The following SNTG2 variants were observed in gnomAD, a reference collection of about 807,000 sequenced individuals.
SNTG2 encodes the protein syntrophin gamma 2, also known as gamma-2-syntrophin.
In SNTG2, 74 loss-of-function variants were observed where a neutral mutation model predicts 70.9. The ratio of observed to expected loss-of-function variants is 1.04; its 90% CI spans 0.86 to 1.27. The LOEUF (loss-of-function observed/expected upper bound fraction) is 1.27, where lower values mean the gene tolerates loss of function less well. SNTG2 is among the 50% of genes most tolerant of loss of function. The probability of loss-of-function intolerance (pLI) is 0.00; values close to 1 mark genes in which losing one functional copy is unlikely to be tolerated. For synonymous variants in SNTG2, 278 were observed against 273.8 expected (o/e 1.02, Z -0.15); for missense variants, 717 against 690.7 (o/e 1.04, Z -0.43).
At chr2:1,222,130 T>TCTCTGTCTCTGG (rs1675237564) in intron 9 of SNTG2, among the ~76,000 whole-genome samples, 1 of 107,938 alleles carries the variant, frequency 9.3e-6, no homozygotes, top group Non-Finnish European at 2.0e-5. Context: ...TCTCTGTCTC[T>TCTCTGTCTCTGG]CTCTGTCTCT....
chr2:1,327,052 T>C (rs1428399834), intron 16 of SNTG2, among the ~76,000 whole-genome samples: 1 of 152,076 alleles, frequency 6.6e-6, no homozygotes, highest in Non-Finnish European at 1.5e-5. Flanking sequence ...TATTTTCTTA[T>C]ACTCTCTGTA....
At chr2:1,014,514 G>C (rs1436563924) in intron 1 of SNTG2, among the ~76,000 whole-genome samples, 1 of 79,120 alleles carries the variant, frequency 1.3e-5, no homozygotes, top group Non-Finnish European at 2.9e-5. Flanking sequence ...GATTTATATG[G>C]GCAGAAAGAA....
intron 8 of SNTG2, among the ~76,000 whole-genome samples, chr2:1,205,770 A>G (rs182538158): frequency 2.0e-5 from 3 of 152,258 alleles, no homozygotes; most frequent in South Asian, 2.1e-4. Flanking sequence ...TAATTCTTGT[A>G]TACATTCAGT....
At chr2:1,046,137 C>T (rs10207601) in intron 1 of SNTG2, among the ~76,000 whole-genome samples, 2 of 151,884 alleles carry the variant, frequency 1.3e-5, no homozygotes, top group Non-Finnish European at 2.9e-5. Flanking sequence ...CTTCTTAGAA[C>T]GTTTTGATCA....
chr2:1,363,059 T>A (rs1298120395), intron 16 of SNTG2, among the ~76,000 whole-genome samples: 2 of 152,084 alleles, frequency 1.3e-5, no homozygotes, highest in Non-Finnish European at 2.9e-5. Flanking sequence ...TGCTGAGCAT[T>A]TCCATAGAAC....
chr2:1,325,680 A>G (rs1681729066), intron 16 of SNTG2, among the ~76,000 whole-genome samples: 1 of 152,220 alleles, frequency 6.6e-6, no homozygotes, highest in South Asian at 2.1e-4. Context: ...ATGCTTTTTT[A>G]GAAAAGTTAC....
intron 6 of SNTG2, chr2:1,158,312 T>G (rs1316668353): frequency 6.6e-6 from 1 of 152,222 alleles, no homozygotes; most frequent in East Asian, 1.9e-4. Context: ...AAATTATTAT[T>G]TTTTAAAATT....
chr2:1,174,289 CATATATAT>C (rs10563978), intron 8 of SNTG2, among the ~76,000 whole-genome samples: 47,583 of 149,358 alleles, frequency 0.32, 8,033 homozygotes, highest in East Asian at 0.66. Flanking sequence ...AAGTTTTATC[CATATATAT>C]ATATATATAT....
At chr2:994,589 A>G (rs1267371854) in intron 1 of SNTG2, among the ~76,000 whole-genome samples, 1 of 152,084 alleles carries the variant, frequency 6.6e-6, no homozygotes, top group Non-Finnish European at 1.5e-5. Context: ...GGATTTTGAT[A>G]GACATTGTAT....
At chr2:1,129,249 A>G (rs1667880655) in intron 4 of SNTG2, among the ~76,000 whole-genome samples, 3 of 152,238 alleles carry the variant, frequency 2.0e-5, no homozygotes, top group South Asian at 4.1e-4. Context: ...TCTGCAGAAC[A>G]TCCTTCTTTG....
At chr2:1,321,265 T>C (rs967888515) in intron 16 of SNTG2, among the ~76,000 whole-genome samples, 1 of 152,194 alleles carries the variant, frequency 6.6e-6, no homozygotes, top group Non-Finnish European at 1.5e-5. Context: ...TATATATCCA[T>C]GAAGCAGAGG....
chr2:1,367,368 C>T lies in SNTG2; in HGVS notation c.1514C>T (p.Ala505Val). ...GAACTCGAGTTCCAGGACCTGAGGGCTGTCCTGCACTGCATCCACTCCTTC... is the reference window on the plus strand; with the variant it reads ...GAACTCGAGTTCCAGGACCTGAGGGTTGTCCTGCACTGCATCCACTCCTTC... ...TKELEFQDLR[A>V]VLHCIHSFIA... Residue 505 changes from alanine to valine, a missense_variant, in exon 17 of 17, where the codon GCT (alanine) becomes GTT (valine). By Grantham distance (64) the Ala-to-Val change is moderately conservative (BLOSUM62 0). Coordinates refer to ENST00000308624, the MANE Select transcript of SNTG2 (RefSeq NM_018968.4). 1 of 1,548,114 alleles carries T rather than the reference C, an allele frequency of 6.5e-7. No individual in the cohort carries two copies.
intron 14 of SNTG2, among the ~76,000 whole-genome samples, chr2:1,306,374 G>C (rs981374637): frequency 1.3e-5 from 2 of 152,178 alleles, no homozygotes; most frequent in African/African-American, 4.8e-5. Flanking sequence ...AGAGGGGAGA[G>C]GCAGGGACTT....
intron 6 of SNTG2, among the ~76,000 whole-genome samples, chr2:1,141,406 GAGAA>G (rs1451489817): frequency 1.3e-5 from 2 of 152,320 alleles, no homozygotes; most frequent in East Asian, 3.9e-4. Context: ...GAAACTGCAG[GAGAA>G]AGAATCACTG....
chr2:1,127,437 G>A (rs1260410260), intron 4 of SNTG2, among the ~76,000 whole-genome samples: 1 of 151,928 alleles, frequency 6.6e-6, no homozygotes, highest in Non-Finnish European at 1.5e-5. Flanking sequence ...GGCTACTTGG[G>A]GCTTCATGTA....
intron 8 of SNTG2, among the ~76,000 whole-genome samples, chr2:1,181,500 C>T (rs1671896144): frequency 6.6e-6 from 1 of 152,166 alleles, no homozygotes; most frequent in Admixed American, 6.5e-5. Flanking sequence ...TCAGAGCAAC[C>T]TTGTAATCAC....
In SNTG2 at chr2:957,439, C is replaced by T. The variant is rs79690319; in HGVS notation, c.72+6371C>T. 7.4e-3 allele frequency among the ~76,000 whole-genome samples: 1,122 copies of T among 152,192 alleles called. 17 individuals carry two copies. Among genetic ancestry groups the T allele is most frequent in the African/African-American group, 0.026 (1,064 of 41,530 alleles). On this transcript the variant is annotated intron_variant, in intron 1 of 16. Transcript: ENST00000308624. ...AGTGCCATTTGGAGAATTGCTTTAT[C>T]ATGATGCACCTTACGTACGTGCAGA... is the stretch of plus-strand genomic sequence containing the variant.
chr2:961,080 A>T (rs1430056483), intron 1 of SNTG2, among the ~76,000 whole-genome samples: 1 of 152,230 alleles, frequency 6.6e-6, no homozygotes, highest in African/African-American at 2.4e-5. Context: ...ATAAATCTTT[A>T]TCTTACTGAT....
chr2:1,016,752 C>T (rs771818568), intron 1 of SNTG2, among the ~76,000 whole-genome samples: 9 of 152,176 alleles, frequency 5.9e-5, no homozygotes, highest in African/African-American at 1.7e-4. Context: ...TGAATAAACA[C>T]GTATGTTATG....
Sources: allele counts gnomAD v4.1 joint callset (sites outside exome capture counted in the v4.1 genomes callset), GRCh38; gene constraint gnomAD v4.1.1; transcripts MANE v1.5; gene names NCBI Gene and HGNC (gene_info 2026-07-23, HGNC 2026-07-21).